DIP2C: variants seen among roughly 807,000 people sequenced by gnomAD.
The protein encoded by DIP2C is disco-interacting protein 2 homolog C.
A neutral mutation model predicts 192.4 loss-of-function variants in DIP2C; 33 were observed. The observed-to-expected ratio is 0.17, with a 90% CI of 0.13 to 0.23. DIP2C has a LOEUF of 0.23. Among genes scored for constraint, DIP2C ranks in the 10% least tolerant of loss-of-function variants. The pLI, the probability that DIP2C is intolerant of heterozygous loss-of-function variation, is 1.00. For missense variants in DIP2C, 1,537 were observed against 2,110.1 expected, an observed-to-expected ratio of 0.73 and a Z score of 5.32; for synonymous variants, 979 against 864.1, an observed-to-expected ratio of 1.13 and a Z score of -2.33.
chr10:461,765 C>G (rs752897323), intron 3 of DIP2C, among the ~76,000 whole-genome samples: 3 of 152,148 alleles, frequency 2.0e-5, no homozygotes, highest in African/African-American at 4.8e-5. Flanking sequence ...TATTCTAAAA[C>G]TGACCACATA....
chr10:432,120 A>G (rs548027352), intron 4 of DIP2C, among the ~76,000 whole-genome samples: 1 of 152,092 alleles, frequency 6.6e-6, no homozygotes, highest in African/African-American at 2.4e-5. Flanking sequence ...TAATTTGCTA[A>G]TATTTTGTTG....
At chr10:546,277 T>TCTTTA (rs1554897208) in intron 1 of DIP2C, among the ~76,000 whole-genome samples, 2 of 109,414 alleles carry the variant, frequency 1.8e-5, no homozygotes, top group African/African-American at 5.1e-5. Flanking sequence ...GCAAGACTCT[T>TCTTTA]AAAAAAAAAA....
At chr10:454,448 G>GTAGTT (rs1411422969) in intron 3 of DIP2C, among the ~76,000 whole-genome samples, 2 of 152,112 alleles carry the variant, frequency 1.3e-5, no homozygotes, top group Admixed American at 6.5e-5. Context: ...AGAGAAAGAG[G>GTAGTT]TAGTATACAA....
intron 29 of DIP2C, among the ~76,000 whole-genome samples, chr10:334,786 T>C (rs530067591): frequency 3.3e-5 from 5 of 152,370 alleles, no homozygotes; most frequent in Admixed American, 1.3e-4. Context: ...CTCATATATA[T>C]AATCACTCTA....
intron 9 of DIP2C, among the ~76,000 whole-genome samples, chr10:407,749 T>TG (rs1437056385): frequency 6.6e-6 from 1 of 152,216 alleles, no homozygotes; most frequent in African/African-American, 2.4e-5. Context: ...CTCAAGTCTC[T>TG]GGCCCATTTA....
intron 1 of DIP2C, among the ~76,000 whole-genome samples, chr10:592,879 G>A (rs879448733): frequency 6.6e-6 from 1 of 151,466 alleles, no homozygotes; most frequent in African/African-American, 2.5e-5. Flanking sequence ...GACACTGCAA[G>A]GCTCAAACCA....
At position 583,801 on chromosome 10, in the gene DIP2C, A is replaced by C. The variant is rs915576131; in HGVS notation, c.86-97271T>G. Among the ~76,000 whole-genome samples the C allele has an allele frequency of 1.7e-4, 26 of 152,316 alleles. 1 individual carries two copies. The highest frequency in any genetic ancestry group is 4.6e-4 in the African/African-American group (19 of 41,574). ...ATCCACCCGATCGCTCCAAAACAAA[A>C]ACACACCACTGCCCAATACTGATGT... On this transcript the variant is annotated intron_variant, in intron 1 of 36. Coordinates refer to ENST00000280886, the MANE Select transcript of DIP2C (RefSeq NM_014974.3).
intron 4 of DIP2C, among the ~76,000 whole-genome samples, chr10:423,851 C>T (rs1014256707): frequency 1.3e-5 from 2 of 152,310 alleles, no homozygotes; most frequent in Non-Finnish European, 1.5e-5. Flanking sequence ...CCGGGGCACA[C>T]GACAAACCTT....
intron 1 of DIP2C, among the ~76,000 whole-genome samples, chr10:670,030 C>T (rs1857346335): frequency 6.6e-6 from 1 of 152,156 alleles, no homozygotes; most frequent in Admixed American, 6.5e-5. Flanking sequence ...CACTGCCTAA[C>T]AGCAATACTC....
chr10:477,704 GAAT>G (rs1464945273), intron 2 of DIP2C, among the ~76,000 whole-genome samples: 2 of 141,626 alleles, frequency 1.4e-5, no homozygotes, highest in African/African-American at 5.2e-5. Context: ...GAAAAGGAAA[GAAT>G]AAAGGAGAGA....
At chr10:428,153 G>C (rs970286343) in intron 4 of DIP2C, among the ~76,000 whole-genome samples, 2 of 151,982 alleles carry the variant, frequency 1.3e-5, no homozygotes, top group Non-Finnish European at 2.9e-5. Context: ...GACATTTTAT[G>C]ATTTTATATC....
intron 1 of DIP2C, chr10:662,769 T>C (rs1314294049): frequency 2.9e-6 from 2 of 679,844 alleles, no homozygotes; most frequent in Non-Finnish European, 5.5e-6. Context: ...TTATTTCTCT[T>C]GTGTTGCCTA....
At chr10:537,178 G>C (rs1847739226) in intron 1 of DIP2C, among the ~76,000 whole-genome samples, 1 of 152,074 alleles carries the variant, frequency 6.6e-6, no homozygotes, top group South Asian at 2.1e-4. Flanking sequence ...CCGTATGAAG[G>C]AGGGCGTGGG....
chr10:405,429 A>G (rs1964732579), intron 9 of DIP2C, among the ~76,000 whole-genome samples: 1 of 152,280 alleles, frequency 6.6e-6, no homozygotes, highest in Non-Finnish European at 1.5e-5. Context: ...ATTATTGTAC[A>G]CACACAACAA....
At chr10:369,388 G>T in intron 18 of DIP2C, 106 bp downstream of exon 18, 1 of 1,376,492 alleles carries the variant, frequency 7.3e-7, no homozygotes. Context: ...TCAGCCTGAG[G>T]GCACACCACG....
chr10:554,675 G>T (rs999804209), intron 1 of DIP2C, among the ~76,000 whole-genome samples: 1 of 152,230 alleles, frequency 6.6e-6, no homozygotes, highest in African/African-American at 2.4e-5. Flanking sequence ...TGGAGTCCTA[G>T]AACTGGCTCC....
At chr10:312,513 G>T (rs1043686889) in intron 31 of DIP2C, among the ~76,000 whole-genome samples, 8 of 152,136 alleles carry the variant, frequency 5.3e-5, no homozygotes, top group Non-Finnish European at 8.8e-5. Flanking sequence ...CAGTGGAAAC[G>T]GAGTTAAGTG....
chr10:300,391 G>A (rs1247990025), intron 32 of DIP2C, among the ~76,000 whole-genome samples: 1 of 147,874 alleles, frequency 6.8e-6, no homozygotes, highest in African/African-American at 2.4e-5. Context: ...AGCCAGTCAC[G>A]AAAAGACAAA....
chr10:598,988 G>T (rs548575139), intron 1 of DIP2C, among the ~76,000 whole-genome samples: 2 of 152,236 alleles, frequency 1.3e-5, no homozygotes, highest in Non-Finnish European at 2.9e-5. Context: ...GCACAGGCAC[G>T]GCCCCCGGGC....
Sources: gnomAD v4.1 joint callset for allele counts (sites outside exome capture counted in the v4.1 genomes callset) on GRCh38, gnomAD v4.1.1 for gene constraint, MANE v1.5 for transcripts, NCBI Gene and HGNC (gene_info 2026-07-23, HGNC 2026-07-21) for gene names.